The following ANKRD29 variants were observed in gnomAD, a reference collection of about 807,000 sequenced individuals.
The protein encoded by ANKRD29 is ankyrin repeat domain 29.
ANKRD29 carries 32 observed loss-of-function variants against 38.0 expected under a neutral mutation model. That is an observed-to-expected ratio of 0.84 (90% CI 0.64 to 1.13). ANKRD29 has a LOEUF of 1.13. ANKRD29 is among the 50% of genes most tolerant of loss of function. The probability of loss-of-function intolerance (pLI) is 0.00; values close to 1 mark genes in which losing one functional copy is unlikely to be tolerated. For missense variants in ANKRD29, 357 were observed against 377.9 expected (o/e 0.94, Z 0.46); for synonymous variants, 135 against 152.4 (o/e 0.89, Z 0.84).
intron 5 of ANKRD29, among the ~76,000 whole-genome samples, chr18:23,632,023 G>GC (rs1429828438): frequency 1.3e-5 from 2 of 152,160 alleles, no homozygotes; most frequent in African/African-American, 4.8e-5. Flanking sequence ...TATAAGACAT[G>GC]TTTCCCTGCA....
At chr18:23,635,684 C>T (rs932144148) in intron 4 of ANKRD29, among the ~76,000 whole-genome samples, 1 of 152,364 alleles carries the variant, frequency 6.6e-6, no homozygotes, top group South Asian at 2.1e-4. Flanking sequence ...TAGATCCCCA[C>T]CCTCAGCCCT....
intron 1 of ANKRD29, among the ~76,000 whole-genome samples, chr18:23,652,489 A>C (rs1402050436): frequency 6.6e-6 from 1 of 151,990 alleles, no homozygotes; most frequent in Admixed American, 6.6e-5. Flanking sequence ...CTCCATCCCA[A>C]GCTCCTCTCC....
At chr18:23,611,405 C>T (rs923738511) in intron 9 of ANKRD29, among the ~76,000 whole-genome samples, 9 of 152,212 alleles carry the variant, frequency 5.9e-5, no homozygotes, top group East Asian at 3.9e-4. Flanking sequence ...AACCACTGGC[C>T]GGGCGTGGTG....
chr18:23,629,880 TGAAGCCAGCAGTAATCGAATAACATC>T lies in ANKRD29; in HGVS notation c.475_500del (p.Asp159ArgfsTer57). On this transcript the variant is annotated frameshift_variant, in exon 6 of 10. Transcript: ENST00000592179. LOFTEE classifies it high-confidence loss of function. ...GCCTTGGCTGGTTGACTTTTGCTCC[TGAAGCCAGCAGTAATCGAATAACATC>T]CAAGTAACCACCTTGGGCAGCTAGG... The T allele has an allele frequency of 1.2e-6, 2 of 1,614,104 alleles. No individual in the cohort carries two copies. The highest frequency in any genetic ancestry group is 1.7e-6 in the Non-Finnish European group (2 of 1,180,032).
intron 1 of ANKRD29, among the ~76,000 whole-genome samples, chr18:23,659,907 T>TC (rs1289729046): frequency 4.0e-5 from 6 of 151,556 alleles, no homozygotes; most frequent in African/African-American, 1.5e-4. Flanking sequence ...GGTCAGGAGT[T>TC]CAAGACCAGC....
intron 7 of ANKRD29, among the ~76,000 whole-genome samples, chr18:23,619,200 C>A (rs1043688442): frequency 2.0e-5 from 3 of 152,198 alleles, no homozygotes; most frequent in Non-Finnish European, 4.4e-5. Context: ...AGGCGCAGCA[C>A]CAGCCAGGGG....
chr18:23,656,070 G>A (rs990595600), intron 1 of ANKRD29, among the ~76,000 whole-genome samples: 2 of 148,042 alleles, frequency 1.4e-5, no homozygotes, highest in Non-Finnish European at 3.0e-5. Flanking sequence ...TCCAGCCTGG[G>A]CGACAGAGCG....
chr18:23,631,362 T>C (rs1478222883), intron 5 of ANKRD29, among the ~76,000 whole-genome samples: 1 of 151,722 alleles, frequency 6.6e-6, no homozygotes, highest in Non-Finnish European at 1.5e-5. Flanking sequence ...CACCTCAGCC[T>C]CCTGAGTTGT....
chr18:23,632,121 G>A (rs2059940123), intron 5 of ANKRD29, among the ~76,000 whole-genome samples: 1 of 152,226 alleles, frequency 6.6e-6, no homozygotes, highest in Non-Finnish European at 1.5e-5. Context: ...CAATCATTAA[G>A]AAATTAATCA....
intron 6 of ANKRD29, among the ~76,000 whole-genome samples, chr18:23,627,928 A>G (rs747982449): frequency 3.3e-5 from 5 of 152,200 alleles, no homozygotes; most frequent in Non-Finnish European, 5.9e-5. Flanking sequence ...CGAAAGTAAA[A>G]GTTTTTTTGA....
At chr18:23,622,835 G>A (rs574285006) in intron 6 of ANKRD29, among the ~76,000 whole-genome samples, 162 of 152,306 alleles carry the variant, frequency 1.1e-3, no homozygotes, top group African/African-American at 3.7e-3. Context: ...CCACAGTGCT[G>A]GGATTACAAG....
intron 5 of ANKRD29, among the ~76,000 whole-genome samples, chr18:23,630,775 T>A (rs1330605834): frequency 6.6e-6 from 1 of 151,266 alleles, no homozygotes; most frequent in Non-Finnish European, 1.5e-5. Flanking sequence ...AAATTTATTT[T>A]TAATATATTT....
chr18:23,622,557 A>G (rs557897497), intron 6 of ANKRD29, among the ~76,000 whole-genome samples: 50 of 152,244 alleles, frequency 3.3e-4, no homozygotes, highest in African/African-American at 1.2e-3. Context: ...GTGAAAAATT[A>G]TCTATCTATC....
intron 1 of ANKRD29, among the ~76,000 whole-genome samples, chr18:23,659,931 T>C (rs1015972781): frequency 8.4e-4 from 127 of 151,610 alleles, no homozygotes; most frequent in African/African-American, 3.0e-3. Flanking sequence ...GCCAACATGG[T>C]GAAACCCCGT....
At chr18:23,631,397 C>T (rs1011893758) in intron 5 of ANKRD29, among the ~76,000 whole-genome samples, 3 of 150,818 alleles carry the variant, frequency 2.0e-5, no homozygotes, top group Non-Finnish European at 4.4e-5. Flanking sequence ...TGCATCACCA[C>T]ATCCAGTTAA....
At chr18:23,643,422 A>T in intron 3 of ANKRD29, among the ~76,000 whole-genome samples, 1 of 152,266 alleles carries the variant, frequency 6.6e-6, no homozygotes, top group South Asian at 2.1e-4. Context: ...AATAGATATT[A>T]AATTTTAGAG....
chr18:23,644,305 T>C (rs1375036512), intron 3 of ANKRD29, among the ~76,000 whole-genome samples: 1 of 152,246 alleles, frequency 6.6e-6, no homozygotes, highest in Non-Finnish European at 1.5e-5. Flanking sequence ...GGATAAAGTT[T>C]TTAAAGTAAA....
chr18:23,662,637 A>AC, intron 1 of ANKRD29, 73 bp downstream of exon 1: 1 of 61,824 alleles, frequency 1.6e-5, no homozygotes, highest in South Asian at 1.6e-4. Flanking sequence ...ACCCCATCCC[A>AC]CCCCACCCGA....
intron 6 of ANKRD29, among the ~76,000 whole-genome samples, chr18:23,627,163 C>A (rs1445062455): frequency 6.6e-6 from 1 of 152,182 alleles, no homozygotes; most frequent in African/African-American, 2.4e-5. Flanking sequence ...GGATAGATAA[C>A]AACCTCTAAT....
Sources: gnomAD v4.1 joint callset for allele counts (sites outside exome capture counted in the v4.1 genomes callset) on GRCh38, gnomAD v4.1.1 for gene constraint, MANE v1.5 for transcripts, NCBI Gene and HGNC (gene_info 2026-07-23, HGNC 2026-07-21) for gene names.